The following TXLNB variants were observed in gnomAD, a reference collection of about 807,000 sequenced individuals.
The protein encoded by TXLNB is beta-taxilin.
A neutral mutation model predicts 57.4 loss-of-function variants in TXLNB; 37 were observed. The observed-to-expected ratio is 0.64, with a 90% confidence interval of 0.50 to 0.85. TXLNB has a LOEUF of 0.85. TXLNB is among the 40% of genes least tolerant of loss of function. The probability of loss-of-function intolerance (pLI) is 0.00; values close to 1 mark genes in which losing one functional copy is unlikely to be tolerated. For missense variants in TXLNB, 848 were observed against 825.6 expected, an observed-to-expected ratio of 1.03 and a Z score of -0.33; for synonymous variants, 302 against 309.6, an observed-to-expected ratio of 0.98 and a Z score of 0.26.
chr6:139,265,221 A>C (rs1776586254), intron 4 of TXLNB, among the ~76,000 whole-genome samples: 1 of 152,192 alleles, frequency 6.6e-6, no homozygotes. Flanking sequence ...AAATTCTGTG[A>C]TATTCTGACA....
chr6:139,264,564 T>C (rs1176629964), intron 4 of TXLNB, among the ~76,000 whole-genome samples: 1 of 152,070 alleles, frequency 6.6e-6, no homozygotes, highest in Non-Finnish European at 1.5e-5. Flanking sequence ...TTTTGTTTTG[T>C]TTTGTTTTGT....
chr6:139,255,660 G>C (rs745526942), intron 6 of TXLNB, 22 bp from the exon 7 acceptor site: 1 of 1,601,268 alleles, frequency 6.2e-7, no homozygotes, highest in South Asian at 1.1e-5. Flanking sequence ...GAGAGTGTGT[G>C]GAAAGATGGT....
At chr6:139,262,858 T>G in intron 4 of TXLNB, 85 bp from the exon 5 acceptor site, 1 of 1,358,314 alleles carries the variant, frequency 7.4e-7, no homozygotes, top group South Asian at 1.4e-5. Context: ...GAGATAAGTG[T>G]GCAGAGTAGG....
intron 3 of TXLNB, among the ~76,000 whole-genome samples, chr6:139,273,736 G>T (rs954422368): frequency 2.6e-5 from 4 of 152,234 alleles, no homozygotes; most frequent in Non-Finnish European, 5.9e-5. Context: ...GGGATTACAG[G>T]CATGGGCCAC....
the TXLNB span, chr6:139,166,922 C>T: frequency 1.5e-5 from 25 of 1,614,028 alleles, 1 homozygote; most frequent in South Asian, 2.6e-4. Context: ...CGCCATCCAT[C>T]TGGAGCCTCA....
Position 139,276,903 on chromosome 6 carries a change from A to G in TXLNB, c.443T>C (p.Leu148Pro). ...LKGLGKEANL[L>P]MQNLNKLQTP... ...TTGCAACTTGTTCAGATTTTGCATT[A>G]GCAGGTTGGCTTCTTTGCCTTAAAA... Residue 148 changes from leucine to proline, a missense_variant, in exon 3 of 10, where the codon CTA becomes CCA. Transcript: ENST00000358430. The G allele has an allele frequency of 6.3e-7, 1 of 1,588,708 alleles. No individual in the cohort carries two copies. Among genetic ancestry groups the G allele is most frequent in the Non-Finnish European group, 8.5e-7 (1 of 1,174,170 alleles).
At chr6:139,167,085 G>A in the TXLNB span, 2 of 1,614,204 alleles carry the variant, frequency 1.2e-6, no homozygotes, top group East Asian at 2.2e-5. Context: ...CACATCCCCA[G>A]GCATAAGCTG....
At chr6:139,161,685 ACAT>A in the TXLNB span, among the ~76,000 whole-genome samples, 17 of 152,350 alleles carry the variant, frequency 1.1e-4, no homozygotes, top group African/African-American at 4.1e-4. Flanking sequence ...GTCAGTCTCA[ACAT>A]TTACAGTTGG....
chr6:139,270,383 T>A, intron 4 of TXLNB, 73 bp downstream of exon 4: 1 of 1,419,006 alleles, frequency 7.0e-7, no homozygotes. Context: ...TTCACACTCT[T>A]TCCATGAGTA....
At chr6:139,231,366 T>G in the TXLNB span, among the ~76,000 whole-genome samples, 2 of 152,112 alleles carry the variant, frequency 1.3e-5, no homozygotes, top group Admixed American at 1.3e-4. Context: ...TCATCAGGCC[T>G]GAGTCACACA....
At chr6:139,309,381 A>G in the TXLNB span, among the ~76,000 whole-genome samples, 1 of 152,234 alleles carries the variant, frequency 6.6e-6, no homozygotes, top group African/African-American at 2.4e-5. Context: ...ATTTCTAAAC[A>G]GTAGATCTTG....
chr6:139,276,855 A>C lies in TXLNB; in HGVS notation c.491T>G (p.Phe164Cys). 1 of 1,605,468 alleles carries C rather than the reference A, an allele frequency of 6.2e-7. No homozygotes were observed. The highest frequency in any genetic ancestry group is 8.5e-7 in the Non-Finnish European group (1 of 1,177,550). The change falls in exon 3 of 10, where the codon TTT (phenylalanine) becomes TGT (cysteine). Residue 164 changes from phenylalanine (F) to cysteine (C), a missense_variant. By Grantham distance (205) the Phe-to-Cys change is radical (BLOSUM62 -2). Coordinates refer to ENST00000358430, the MANE Select transcript of TXLNB (RefSeq NM_153235.4). Reference protein sequence around the residue: ...KLQTPEEKFDFLFKKYAELLD... With the variant: ...KLQTPEEKFDCLFKKYAELLD... ...CAATTCAGCATACTTCTTGAATAAA[A>C]AATCAAACTTTTCTTCCGGTGTTTG...
chr6:139,293,026 A>T (rs1349919974), upstream of TXLNB, among the ~76,000 whole-genome samples: 1 of 152,152 alleles, frequency 6.6e-6, no homozygotes, highest in African/African-American at 2.4e-5. Context: ...GACTTTGCAG[A>T]TGTGAGGAAG....
chr6:139,203,200 G>A, the TXLNB span, among the ~76,000 whole-genome samples: 11 of 151,962 alleles, frequency 7.2e-5, no homozygotes, highest in South Asian at 8.3e-4. Context: ...ATATCTCTTC[G>A]CTACACATAT....
chr6:139,319,991 C>CAT, the TXLNB span, among the ~76,000 whole-genome samples: 1 of 151,722 alleles, frequency 6.6e-6, no homozygotes, highest in Non-Finnish European at 1.5e-5. Context: ...AGCTTATGGC[C>CAT]ATATATATAT....
intron 5 of TXLNB, among the ~76,000 whole-genome samples, 185 bp from the exon 6 acceptor site, chr6:139,260,622 A>G (rs1776456976): frequency 6.6e-6 from 1 of 152,192 alleles, no homozygotes; most frequent in African/African-American, 2.4e-5. Context: ...CCTCCCCCTG[A>G]CTTTGCACCA....
rs61368061 is a variant in TXLNB at position 139,247,532 on chromosome 6, CTTTTTTT to C, written c.1170+278_1170+284del. On this transcript the variant is annotated intron_variant, in intron 8 of 9. Coordinates refer to ENST00000358430, the MANE Select transcript of TXLNB (RefSeq NM_153235.4). ...ATGTTAAATTGCTAGCTCTGGTCTT[CTTTTTTT>C]TTTTTTTTTTTTTTTTTAAGTTATC... Among the ~76,000 whole-genome samples the C allele has an allele frequency of 3.2e-3, 200 of 63,096 alleles. 2 individuals are homozygous for C. In the East Asian group the frequency reaches 0.058, roughly 18 times the overall value. The allele number at this position is 63,096 out of a possible 152,430, so 41.4% of individuals were successfully genotyped here. A position where few individuals can be genotyped will look rare whatever the true frequency, so the allele number is the denominator to read the frequency against.
chr6:139,309,274 A>G, the TXLNB span, among the ~76,000 whole-genome samples: 1 of 152,212 alleles, frequency 6.6e-6, no homozygotes, highest in East Asian at 1.9e-4. Context: ...ACCATTTCCC[A>G]AACCTGATTT....
Position 139,269,600 on chromosome 6 carries a change from C to G in TXLNB, c.687+856G>C, listed in dbSNP as rs535543345. Reference sequence around the variant, plus strand: ...TTCTCTTCTATTTTTCTTCCTAACTCAATTGTACAAATTCAGCAGTGATTT... The same window carrying G: ...TTCTCTTCTATTTTTCTTCCTAACTGAATTGTACAAATTCAGCAGTGATTT... On this transcript the variant is annotated intron_variant, in intron 4 of 9. Coordinates refer to ENST00000358430, the MANE Select transcript of TXLNB (RefSeq NM_153235.4). Among the ~76,000 whole-genome samples, 7 of 152,316 alleles carry G rather than the reference C, an allele frequency of 4.6e-5. No homozygotes were observed. In the East Asian group the frequency reaches 1.4e-3, roughly 29 times the overall value.
Sources: gnomAD v4.1 joint callset for allele counts (sites outside exome capture counted in the v4.1 genomes callset) on GRCh38, gnomAD v4.1.1 for gene constraint, MANE v1.5 for transcripts, NCBI Gene and HGNC (gene_info 2026-07-23, HGNC 2026-07-21) for gene names.